The following GAS7 variants were observed in gnomAD, a reference collection of about 807,000 sequenced individuals.
GAS7 encodes the protein growth arrest specific 7.
In GAS7, 28 loss-of-function variants were observed where a neutral mutation model predicts 71.1. That is an observed-to-expected ratio of 0.39 (90% CI 0.29 to 0.54). The LOEUF (loss-of-function observed/expected upper bound fraction) is 0.54, where lower values mean the gene tolerates loss of function less well. GAS7 is among the 20% of genes least tolerant of loss of function. The pLI is 0.62. For synonymous variants in GAS7, 258 were observed against 245.8 expected (o/e 1.05, Z -0.46); for missense variants, 436 against 627.8 (o/e 0.69, Z 3.27).
Position 10,198,331 on chromosome 17 carries a change from C to A in GAS7, c.60G>T (p.Gly20=). 6.2e-7 allele frequency: 1 copy of A among 1,600,402 alleles called. No homozygotes were observed. The highest frequency in any genetic ancestry group is 1.1e-5 in the South Asian group (1 of 90,890). ...TCAGCTCGCCCGCGGCGAAGCGCAG[C>A]CCCTGGCCGTGCCGCTCCCCGGAGA... ...YPFSGERHGQ[G]LRFAAGELIT... Residue 20 remains glycine, a synonymous_variant, in exon 1 of 14, where the codon GGG becomes GGT. Coordinates refer to ENST00000432992, the MANE Select transcript of GAS7 (RefSeq NM_201433.2).
intron 1 of GAS7, among the ~76,000 whole-genome samples, chr17:10,021,816 A>G (rs1310173804): frequency 6.6e-6 from 1 of 152,256 alleles, no homozygotes; most frequent in African/African-American, 2.4e-5. Flanking sequence ...AAATAGGATT[A>G]TAACAACGTG....
At chr17:10,062,878 C>T (rs1052908621) in intron 1 of GAS7, among the ~76,000 whole-genome samples, 1 of 152,236 alleles carries the variant, frequency 6.6e-6, no homozygotes, top group Non-Finnish European at 1.5e-5. Flanking sequence ...CCTCTCACCC[C>T]CCAGGATCCT....
intron 1 of GAS7, among the ~76,000 whole-genome samples, chr17:10,163,979 T>C (rs1359125832): frequency 1.3e-5 from 2 of 152,174 alleles, no homozygotes; most frequent in Non-Finnish European, 2.9e-5. Flanking sequence ...ACAGCTGTCA[T>C]TAACAATCCC....
intron 2 of GAS7, among the ~76,000 whole-genome samples, chr17:10,007,902 T>G (rs9904204): frequency 1.7e-4 from 17 of 97,956 alleles, no homozygotes; most frequent in Admixed American, 3.5e-4. Flanking sequence ...TAATTCCAGC[T>G]CCCCCCCGCA....
intron 2 of GAS7, among the ~76,000 whole-genome samples, chr17:9,990,732 T>G (rs7207806): frequency 0.41 from 62,271 of 151,790 alleles, 14,295 homozygotes; most frequent in African/African-American, 0.62. Flanking sequence ...AGAAGATGAG[T>G]TCAGAGGTAA....
chr17:10,171,696 A>G (rs1221270270), intron 1 of GAS7, among the ~76,000 whole-genome samples: 1 of 152,214 alleles, frequency 6.6e-6, no homozygotes, highest in Non-Finnish European at 1.5e-5. Context: ...GGACGGGTGA[A>G]GCAGTGAAGA....
chr17:10,005,042 C>CATATATATATATAT lies in GAS7; in HGVS notation c.304+14734_304+14735insATATATATATATAT, dbSNP rs370673273. Among the ~76,000 whole-genome samples the CATATATATATATAT allele has an allele frequency of 4.3e-3, 629 of 144,888 alleles. 6 individuals are homozygous for CATATATATATATAT. The highest frequency in any genetic ancestry group is 0.015 in the African/African-American group (549 of 35,698). On this transcript the variant is annotated intron_variant, in intron 2 of 13. Transcript: ENST00000432992. The stretch of plus-strand genomic sequence containing the variant: ...CGCTCTCTCTCTCTATATATACATA[C>CATATATATATATAT]ATATATATACACATATATGTGTGTA...
rs147410630 is a variant in GAS7 at position 10,004,009 on chromosome 17, C to T, written c.304+15768G>A. Among the ~76,000 whole-genome samples the T allele has an allele frequency of 4.1e-3, 623 of 152,300 alleles. 5 individuals are homozygous for T. Among genetic ancestry groups the T allele is most frequent in the African/African-American group, 0.014 (597 of 41,564 alleles). On this transcript the variant is annotated intron_variant, in intron 2 of 13. Transcript: ENST00000432992. ...ATGCCAGCTTTGCATAGGGAGGCACCGTCTCAAACACTGGTGGGTGATGAG... is the reference window on the plus strand; with the variant it reads ...ATGCCAGCTTTGCATAGGGAGGCACTGTCTCAAACACTGGTGGGTGATGAG...
In GAS7 at chr17:10,034,284, A is replaced by G; in HGVS notation, c.184-14387T>C. 4 of 859,504 alleles carry G rather than the reference A, an allele frequency of 4.7e-6. No homozygotes were observed. The highest frequency in any genetic ancestry group is 5.9e-4 in the Middle Eastern group (1 of 1,684). 53.2% of individuals were successfully genotyped at this position (859,504 alleles called of 1,614,324 possible). A position where few individuals can be genotyped will look rare whatever the true frequency, so the allele number is the denominator to read the frequency against. ...AGATGGTCTCCAAGGGCTTTCATAT[A>G]TACATATATATAGCCTAATACTTAA... On this transcript the variant is annotated intron_variant, in intron 1 of 13. Coordinates refer to ENST00000432992, the MANE Select transcript of GAS7 (RefSeq NM_201433.2). The surrounding 1 kb of genome is among the most constrained non-coding windows in gnomAD (Gnocchi z 4.4).
At chr17:10,109,126 T>A (rs1597797021) in intron 1 of GAS7, among the ~76,000 whole-genome samples, 1 of 151,416 alleles carries the variant, frequency 6.6e-6, no homozygotes, top group Admixed American at 6.6e-5. Flanking sequence ...AAAAAAAATT[T>A]AAAAAAATAA....
intron 1 of GAS7, among the ~76,000 whole-genome samples, chr17:10,197,175 C>A (rs778469266): frequency 6.6e-6 from 1 of 152,132 alleles, no homozygotes; most frequent in African/African-American, 2.4e-5. Context: ...TTCTTCCCCC[C>A]GCCCCCGATG....
chr17:10,009,868 T>C (rs1247497087), intron 2 of GAS7, among the ~76,000 whole-genome samples: 1 of 152,086 alleles, frequency 6.6e-6, no homozygotes, highest in Non-Finnish European at 1.5e-5. Context: ...TGGACTTGGG[T>C]TCATGCTTTA....
intron 1 of GAS7, among the ~76,000 whole-genome samples, chr17:10,167,406 C>A (rs1387900835): frequency 6.6e-6 from 1 of 152,100 alleles, no homozygotes; most frequent in Non-Finnish European, 1.5e-5. Flanking sequence ...TCGGTTTTCT[C>A]ATAGCTAGAG....
chr17:9,947,319 G>A (rs1270142562), intron 5 of GAS7, among the ~76,000 whole-genome samples: 1 of 152,158 alleles, frequency 6.6e-6, no homozygotes, highest in Non-Finnish European at 1.5e-5. Flanking sequence ...GCTTTTTCAC[G>A]ACAGCGCTAT....
At chr17:10,036,177 T>C (rs1411285607) in intron 1 of GAS7, among the ~76,000 whole-genome samples, 2 of 151,268 alleles carry the variant, frequency 1.3e-5, no homozygotes, top group Admixed American at 1.3e-4. Context: ...CATAAATCTT[T>C]CTCCTCCTCC....
At chr17:9,931,094 T>G (rs1255966992) in intron 9 of GAS7, among the ~76,000 whole-genome samples, 1 of 152,214 alleles carries the variant, frequency 6.6e-6, no homozygotes, top group East Asian at 1.9e-4. Context: ...GCCATTGGTC[T>G]GCCAAAGCAG....
At chr17:10,143,177 G>A (rs1031930424) in intron 1 of GAS7, among the ~76,000 whole-genome samples, 7 of 151,942 alleles carry the variant, frequency 4.6e-5, no homozygotes, top group Non-Finnish European at 7.4e-5. Context: ...GACAGACTCC[G>A]TCTCAGAAAA....
intron 1 of GAS7, among the ~76,000 whole-genome samples, chr17:10,192,629 G>A (rs1225764708): frequency 6.6e-6 from 1 of 152,162 alleles, no homozygotes; most frequent in Non-Finnish European, 1.5e-5. Context: ...CCGACTTGTT[G>A]CTAAGGGAAC....
rs1048829386 is a variant in GAS7 at position 9,916,128 on chromosome 17, C to T, written c.*1100G>A. Reference sequence around the variant, plus strand: ...ATGCCTGTCCAGTGCCCACCAGTGACAGAAAACTGTACAAGGGACAGCAGT... The same window carrying T: ...ATGCCTGTCCAGTGCCCACCAGTGATAGAAAACTGTACAAGGGACAGCAGT... On this transcript the variant is annotated 3_prime_UTR_variant, in exon 14 of 14. Transcript: ENST00000432992. 4.3e-6 allele frequency: 1 copy of T among 233,028 alleles called. No individual in the cohort carries two copies. The highest frequency in any genetic ancestry group is 6.0e-5 in the East Asian group (1 of 16,544). The allele number at this position is 233,028 out of a possible 1,614,324, so 14.4% of individuals were successfully genotyped here.
Sources: allele counts gnomAD v4.1 joint callset (sites outside exome capture counted in the v4.1 genomes callset), GRCh38; gene constraint gnomAD v4.1.1; non-coding constraint Gnocchi (gnomAD v3.1); transcripts MANE v1.5; gene names NCBI Gene and HGNC (gene_info 2026-07-23, HGNC 2026-07-21).